Variants in ABLIM3 observed in about 807,000 individuals in gnomAD.
ABLIM3 encodes actin binding LIM protein family member 3.
In ABLIM3, 61 loss-of-function variants were observed where a neutral mutation model predicts 109.5. The observed-to-expected ratio is 0.56, with a 90% confidence interval of 0.45 to 0.69. The LOEUF (loss-of-function observed/expected upper bound fraction) is 0.69. Among genes scored for constraint, ABLIM3 ranks in the 30% least tolerant of loss-of-function variants. The probability of loss-of-function intolerance (pLI) is 0.00; values close to 1 mark genes in which losing one functional copy is unlikely to be tolerated. For synonymous variants in ABLIM3, 300 were observed against 324.8 expected, an observed-to-expected ratio of 0.92 and a Z score of 0.82; for missense variants, 796 against 889.5, an observed-to-expected ratio of 0.89 and a Z score of 1.34.
At chr5:149,154,652 C>G (rs1753725822) in intron 2 of ABLIM3, among the ~76,000 whole-genome samples, 1 of 152,218 alleles carries the variant, frequency 6.6e-6, no homozygotes, top group Non-Finnish European at 1.5e-5. Context: ...TATATTTGCT[C>G]TCACTATTCT....
At chr5:149,247,632 T>C (rs1439617581) in intron 17 of ABLIM3, 150 bp from the exon 18 acceptor site, 7 of 993,098 alleles carry the variant, frequency 7.0e-6, no homozygotes, top group Non-Finnish European at 1.1e-5. Flanking sequence ...ACAGGAAACA[T>C]GGGTGCCACA....
intron 5 of ABLIM3, among the ~76,000 whole-genome samples, chr5:149,204,649 C>T (rs957266383): frequency 3.9e-5 from 6 of 152,182 alleles, no homozygotes; most frequent in Non-Finnish European, 5.9e-5. Context: ...ACAACAACCA[C>T]GTATTGGATT....
intron 12 of ABLIM3, 73 bp from the exon 13 acceptor site, chr5:149,239,686 C>T (rs1309001312): frequency 2.0e-6 from 3 of 1,503,754 alleles, no homozygotes; most frequent in Middle Eastern, 1.8e-4. Flanking sequence ...TCATGCCCAC[C>T]TGCCTGCTAG....
intron 6 of ABLIM3, among the ~76,000 whole-genome samples, chr5:149,210,275 G>A (rs985177308): frequency 2.0e-5 from 3 of 152,160 alleles, no homozygotes; most frequent in African/African-American, 7.2e-5. Flanking sequence ...TCCAGCTCTA[G>A]GTCATCCTGG....
At position 149,233,317 on chromosome 5, in the gene ABLIM3, T is replaced by C; in HGVS notation, c.888+17T>C. 6.2e-7 allele frequency: 1 copy of C among 1,613,082 alleles called. No homozygotes were observed. The highest frequency in any genetic ancestry group is 8.5e-7 in the Non-Finnish European group (1 of 1,179,038). On this transcript the variant is annotated intron_variant, in intron 10 of 23. Coordinates refer to ENST00000309868, the MANE Select transcript of ABLIM3 (RefSeq NM_014945.5). ...GTCATCTGCGTATGTATCACTTTTC[T>C]ACCACCAAAGGGCCTTCTTTATTCC...
chr5:149,193,004 A>G (rs1381976328), intron 3 of ABLIM3, among the ~76,000 whole-genome samples: 1 of 152,172 alleles, frequency 6.6e-6, no homozygotes, highest in Non-Finnish European at 1.5e-5. Flanking sequence ...TAAGAAGGAA[A>G]AATAACTAGC....
chr5:149,259,502 C>G lies in ABLIM3; in HGVS notation c.*1098C>G. 6.5e-7 allele frequency: 1 copy of G among 1,536,154 alleles called. No individual in the cohort carries two copies. The highest frequency in any genetic ancestry group is 1.4e-5 in the African/African-American group (1 of 73,166). ...TGGCAGGGCAACCATACCATACCCC[C>G]GCCAGTCCTCGGCTCCTGCTGCAAA... On this transcript the variant is annotated 3_prime_UTR_variant, in exon 24 of 24. Coordinates refer to ENST00000309868, the MANE Select transcript of ABLIM3 (RefSeq NM_014945.5).
chr5:149,247,534 G>A, intron 17 of ABLIM3: 1 of 665,532 alleles, frequency 1.5e-6, no homozygotes, highest in Non-Finnish European at 2.8e-6. Flanking sequence ...ATGGGATCCT[G>A]TCACTGGCCA....
chr5:149,164,523 T>C (rs957203421), intron 2 of ABLIM3, among the ~76,000 whole-genome samples: 5 of 152,332 alleles, frequency 3.3e-5, no homozygotes, highest in African/African-American at 1.2e-4. Flanking sequence ...ATCTAGGAAC[T>C]TGCTGGAAAT....
chr5:149,211,624 G>A (rs1398193057), intron 7 of ABLIM3, among the ~76,000 whole-genome samples: 1 of 152,094 alleles, frequency 6.6e-6, no homozygotes, highest in African/African-American at 2.4e-5. Context: ...GATTGGATCA[G>A]GTATTGTCAG....
chr5:149,146,489 G>C (rs574966330), intron 2 of ABLIM3, among the ~76,000 whole-genome samples: 11 of 152,162 alleles, frequency 7.2e-5, no homozygotes, highest in Non-Finnish European at 1.5e-4. Flanking sequence ...GTTAATTTTT[G>C]TATATGGTGA....
At chr5:149,169,761 C>T (rs1363914649) in intron 2 of ABLIM3, among the ~76,000 whole-genome samples, 1 of 152,174 alleles carries the variant, frequency 6.6e-6, no homozygotes, top group African/African-American at 2.4e-5. Flanking sequence ...CACATGAGAG[C>T]AGGGGCCATG....
chr5:149,179,187 T>C (rs1756241289), intron 2 of ABLIM3, among the ~76,000 whole-genome samples: 1 of 152,218 alleles, frequency 6.6e-6, no homozygotes, highest in South Asian at 2.1e-4. Context: ...CAAATTTAGT[T>C]GTGGAATTAA....
Position 149,247,773 on chromosome 5 carries a change from G to T in ABLIM3, c.1552-9G>T. 1 of 1,614,148 alleles carries T rather than the reference G, an allele frequency of 6.2e-7. No individual in the cohort carries two copies. The highest frequency in any genetic ancestry group is 8.5e-7 in the Non-Finnish European group (1 of 1,180,030). On this transcript the variant is annotated splice_polypyrimidine_tract_variant and intron_variant, in intron 17 of 23. Transcript: ENST00000309868. ...TTCTAACTTTATCTTGCTCTTCCCC[G>T]ACCCTCAGCTCCAAAGTGGAATTGG...
chr5:149,149,472 G>C (rs1001488052), intron 2 of ABLIM3, among the ~76,000 whole-genome samples: 9 of 152,144 alleles, frequency 5.9e-5, no homozygotes, highest in African/African-American at 1.7e-4. Context: ...GTAGGTGATG[G>C]ATTTTCTACA....
Position 149,230,657 on chromosome 5 carries a change from G to C in ABLIM3, c.766G>C (p.Val256Leu). The change falls in exon 9 of 24, where the codon GTT becomes CTT. Residue 256 changes from valine to leucine, a missense_variant. Coordinates refer to ENST00000309868, the MANE Select transcript of ABLIM3 (RefSeq NM_014945.5). The stretch of plus-strand genomic sequence containing the variant: ...TTTTCATGACCCCTTAGGTTCCGAG[G>C]TTTGGCACCCCATCTGCAAACAGGC... ...GEEMYLTGSEVWHPICKQAAR... is the reference protein window; with the variant it reads ...GEEMYLTGSELWHPICKQAAR... The C allele has an allele frequency of 6.2e-7, 1 of 1,614,008 alleles. No individual in the cohort carries two copies. The highest frequency in any genetic ancestry group is 2.2e-5 in the East Asian group (1 of 44,860).
At chr5:149,196,074 A>G (rs1270284586) in intron 3 of ABLIM3, among the ~76,000 whole-genome samples, 2 of 152,202 alleles carry the variant, frequency 1.3e-5, no homozygotes, top group African/African-American at 4.8e-5. Context: ...CCAGAGACTC[A>G]GTGGCAGTGA....
intron 10 of ABLIM3, among the ~76,000 whole-genome samples, chr5:149,233,876 C>T (rs1366516201): frequency 6.6e-6 from 1 of 152,210 alleles, no homozygotes; most frequent in Non-Finnish European, 1.5e-5. Context: ...GGCATTCAAA[C>T]ACAGAGAGAC....
intron 2 of ABLIM3, among the ~76,000 whole-genome samples, chr5:149,175,000 C>G (rs561989355): frequency 6.6e-6 from 1 of 152,130 alleles, no homozygotes; most frequent in Admixed American, 6.5e-5. Context: ...TTTACAGGCT[C>G]CTCTGTGTTA....
Sources: allele counts gnomAD v4.1 joint callset (sites outside exome capture counted in the v4.1 genomes callset), GRCh38; gene constraint gnomAD v4.1.1; transcripts MANE v1.5; gene names NCBI Gene and HGNC (gene_info 2026-07-23, HGNC 2026-07-21).